The following TMOD1 variants were observed in gnomAD, a reference collection of about 807,000 sequenced individuals.
TMOD1 encodes tropomodulin-1.
Under a neutral mutation model 40.6 loss-of-function variants are expected in TMOD1, and 17 were observed. That is an observed-to-expected ratio of 0.42 (90% CI 0.29 to 0.63). TMOD1 has a LOEUF of 0.63. TMOD1 is among the 20% of genes least tolerant of loss of function. The pLI is 0.22. For synonymous variants in TMOD1, 181 were observed against 175.0 expected (o/e 1.03, Z -0.27); for missense variants, 391 against 447.6 (o/e 0.87, Z 1.14).
chr9:97,506,109 C>T (rs1481847036), intron 1 of TMOD1, among the ~76,000 whole-genome samples: 2 of 152,166 alleles, frequency 1.3e-5, no homozygotes, highest in Non-Finnish European at 2.9e-5. Flanking sequence ...TGCCTTTCCC[C>T]TGCTGTTCTT....
At chr9:97,580,403 G>A (rs924698953) in intron 8 of TMOD1, among the ~76,000 whole-genome samples, 1 of 152,224 alleles carries the variant, frequency 6.6e-6, no homozygotes, top group Non-Finnish European at 1.5e-5. Context: ...GGCCGAGTTC[G>A]AGACCAGCCT....
chr9:97,587,530 T>C (rs1233142253), intron 8 of TMOD1, among the ~76,000 whole-genome samples: 1 of 152,042 alleles, frequency 6.6e-6, no homozygotes, highest in Non-Finnish European at 1.5e-5. Flanking sequence ...CTTCAGTGAA[T>C]GTCTCTTCAT....
intron 2 of TMOD1, among the ~76,000 whole-genome samples, chr9:97,525,887 C>T (rs1468256478): frequency 2.0e-5 from 3 of 152,194 alleles, no homozygotes; most frequent in African/African-American, 7.2e-5. Context: ...GAAACTAAGA[C>T]TTCTAGGCCA....
intron 8 of TMOD1, among the ~76,000 whole-genome samples, chr9:97,590,445 C>T (rs533411766): frequency 1.3e-5 from 2 of 152,052 alleles, no homozygotes; most frequent in African/African-American, 2.4e-5. Context: ...AGGGTGGTCT[C>T]GAACTCCTTA....
In TMOD1 at chr9:97,591,425, C is replaced by T. The variant is rs1472755116; in HGVS notation, c.1005C>T (p.Asn335=). The change falls in exon 9 of 10, where the codon AAC becomes AAT. Residue 335 remains asparagine (N), a synonymous_variant. Coordinates refer to ENST00000259365, the MANE Select transcript of TMOD1 (RefSeq NM_003275.4). ...GGGCATCCAACGCAATGATGAACAA[C>T]AATGACCTTGGTGAGTAGAAATATG... The part of the protein sequence containing the change: ...RLRASNAMMN[N]NDLVRKRRLA... The T allele has an allele frequency of 6.2e-7, 1 of 1,614,150 alleles. No homozygotes were observed. The highest frequency in any genetic ancestry group is 1.7e-5 in the Admixed American group (1 of 60,014).
At chr9:97,525,362 T>TACAC (rs144785058) in intron 2 of TMOD1, among the ~76,000 whole-genome samples, 7 of 151,990 alleles carry the variant, frequency 4.6e-5, no homozygotes, top group Admixed American at 6.6e-5. Context: ...AGATATTTGC[T>TACAC]ACACACACAC....
chr9:97,546,073 C>G (rs891940594), intron 2 of TMOD1, 112 bp from the exon 3 acceptor site: 6 of 1,300,246 alleles, frequency 4.6e-6, no homozygotes, highest in Non-Finnish European at 6.2e-6. Context: ...TCTGAGGTCC[C>G]TTCTGTTCGA....
intron 1 of TMOD1, among the ~76,000 whole-genome samples, chr9:97,520,471 C>T (rs1045611446): frequency 6.6e-5 from 10 of 152,202 alleles, no homozygotes; most frequent in Admixed American, 6.5e-4. Flanking sequence ...CTCCAGTTCT[C>T]CCATTTCCTC....
chr9:97,592,023 A>T (rs750145112), intron 9 of TMOD1, among the ~76,000 whole-genome samples: 4 of 151,546 alleles, frequency 2.6e-5, no homozygotes, highest in Non-Finnish European at 5.9e-5. Context: ...AGGAAATTTT[A>T]AAAAATAAAA....
intron 4 of TMOD1, among the ~76,000 whole-genome samples, chr9:97,561,966 T>A (rs1830647653): frequency 6.6e-6 from 1 of 152,194 alleles, no homozygotes; most frequent in East Asian, 1.9e-4. Context: ...GTGCTGGTTT[T>A]TCATTGTGTG....
upstream of TMOD1, chr9:97,501,592 G>C (rs1564223721): frequency 6.7e-6 from 1 of 149,346 alleles, no homozygotes; most frequent in South Asian, 2.0e-4. Context: ...GCGGGGCGCG[G>C]TGACAGCCGA....
At chr9:97,508,057 TCACACACACA>T (rs56669574) in intron 1 of TMOD1, among the ~76,000 whole-genome samples, 442 of 132,074 alleles carry the variant, frequency 3.3e-3, no homozygotes, top group South Asian at 0.024. Flanking sequence ...TCTTCCTGAT[TCACACACACA>T]CACACACACA....
chr9:97,538,084 C>T (rs551464086), intron 2 of TMOD1, among the ~76,000 whole-genome samples: 19 of 152,234 alleles, frequency 1.2e-4, no homozygotes, highest in South Asian at 1.0e-3. Context: ...GTCAACAGTC[C>T]GCTGGAGCTG....
At chr9:97,558,504 C>A (rs1458250442) in intron 4 of TMOD1, among the ~76,000 whole-genome samples, 1 of 152,054 alleles carries the variant, frequency 6.6e-6, no homozygotes, top group African/African-American at 2.4e-5. Flanking sequence ...AGTGCAGTGG[C>A]GTGATCTCGG....
At chr9:97,534,783 G>T (rs987611087) in intron 2 of TMOD1, among the ~76,000 whole-genome samples, 1 of 152,218 alleles carries the variant, frequency 6.6e-6, no homozygotes. Context: ...AGTAAGATGA[G>T]CATTATTCAA....
Position 97,596,273 on chromosome 9 carries a change from C to T in TMOD1, c.1016-3361C>T, listed in dbSNP as rs189090335. 1.6e-3 allele frequency among the ~76,000 whole-genome samples: 250 copies of T among 152,180 alleles called. 1 individual carries two copies. Among genetic ancestry groups the T allele is most frequent in the African/African-American group, 5.8e-3 (241 of 41,510 alleles). ...CCTCAGGCCCCCAGCTCCTCCAGGG[C>T]AGGCACCCCTGGCACTCATCCCAAG... On this transcript the variant is annotated intron_variant, in intron 9 of 9. Coordinates refer to ENST00000259365, the MANE Select transcript of TMOD1 (RefSeq NM_003275.4).
At chr9:97,522,888 A>G (rs900223915) in intron 1 of TMOD1, among the ~76,000 whole-genome samples, 4 of 152,126 alleles carry the variant, frequency 2.6e-5, no homozygotes, top group Non-Finnish European at 4.4e-5. Flanking sequence ...TAGGAGACAC[A>G]TATAACTCAT....
chr9:97,529,944 C>T (rs1830073701), intron 2 of TMOD1, among the ~76,000 whole-genome samples: 1 of 152,154 alleles, frequency 6.6e-6, no homozygotes, highest in Non-Finnish European at 1.5e-5. Flanking sequence ...TCATTAGCCC[C>T]ATTTTAAAGA....
intron 3 of TMOD1, among the ~76,000 whole-genome samples, chr9:97,547,439 T>G (rs1322681090): frequency 6.6e-6 from 1 of 152,208 alleles, no homozygotes; most frequent in Admixed American, 6.5e-5. Context: ...GCACTACCAC[T>G]TACTAGCTGT....
Sources: allele counts gnomAD v4.1 joint callset (sites outside exome capture counted in the v4.1 genomes callset), GRCh38; gene constraint gnomAD v4.1.1; transcripts MANE v1.5; gene names NCBI Gene and HGNC (gene_info 2026-07-23, HGNC 2026-07-21).